The following SNTG2 variants were observed in gnomAD, a reference collection of about 807,000 sequenced individuals.
SNTG2 encodes the protein gamma-2-syntrophin.
Under a neutral mutation model 70.9 loss-of-function variants are expected in SNTG2, and 74 were observed. The ratio of observed to expected loss-of-function variants is 1.04; its 90% CI spans 0.86 to 1.27. SNTG2 has a LOEUF of 1.27. SNTG2 is among the 50% of genes most tolerant of loss of function. SNTG2 has a pLI of 0.00. For missense variants in SNTG2, 717 were observed against 690.7 expected, an observed-to-expected ratio of 1.04 and a Z score of -0.43; for synonymous variants, 278 against 273.8, an observed-to-expected ratio of 1.02 and a Z score of -0.15.
At chr2:1,325,220 C>A (rs2148276893) in intron 16 of SNTG2, among the ~76,000 whole-genome samples, 1 of 152,230 alleles carries the variant, frequency 6.6e-6, no homozygotes, top group Non-Finnish European at 1.5e-5. Context: ...TGAACTTATG[C>A]AAATAACTCT....
chr2:1,185,868 A>G (rs1325860517), intron 8 of SNTG2, among the ~76,000 whole-genome samples: 1 of 152,246 alleles, frequency 6.6e-6, no homozygotes, highest in East Asian at 1.9e-4. Flanking sequence ...TTACTTATGT[A>G]AATTTCTGCA....
At chr2:1,127,877 A>C (rs915007475) in intron 4 of SNTG2, among the ~76,000 whole-genome samples, 1 of 152,164 alleles carries the variant, frequency 6.6e-6, no homozygotes, top group African/African-American at 2.4e-5. Flanking sequence ...AGGTTTTTCT[A>C]TACAAGATCA....
intron 9 of SNTG2, among the ~76,000 whole-genome samples, chr2:1,217,123 T>C (rs1674444953): frequency 6.6e-6 from 1 of 152,136 alleles, no homozygotes. Context: ...CTCAGTTCTT[T>C]TTTTAAAAAA....
At chr2:1,132,207 A>ATG (rs1668063880) in intron 4 of SNTG2, among the ~76,000 whole-genome samples, 2 of 150,322 alleles carry the variant, frequency 1.3e-5, no homozygotes, top group East Asian at 2.0e-4. Flanking sequence ...GTGTATATAT[A>ATG]TGTGTATATA....
intron 6 of SNTG2, among the ~76,000 whole-genome samples, chr2:1,141,608 T>A (rs4471920): frequency 0.99 from 150,412 of 152,312 alleles, 74,295 homozygotes; most frequent in East Asian, 1. Flanking sequence ...TGGAATAAAA[T>A]TTACCTCCTC....
chr2:1,256,091 T>C (rs1185111435), intron 12 of SNTG2, among the ~76,000 whole-genome samples: 1 of 151,404 alleles, frequency 6.6e-6, no homozygotes, highest in East Asian at 1.9e-4. Flanking sequence ...AGATGGGCTG[T>C]ATATTTTTAT....
chr2:1,270,468 C>A (rs1202943726), intron 14 of SNTG2, among the ~76,000 whole-genome samples: 1 of 152,124 alleles, frequency 6.6e-6, no homozygotes, highest in Admixed American at 6.5e-5. Flanking sequence ...TTGTTCTTTT[C>A]TTTTCCCTTT....
In SNTG2 at chr2:1,227,541, C is replaced by T. The variant is rs531946035; in HGVS notation, c.720-10347C>T. 1.6e-4 allele frequency among the ~76,000 whole-genome samples: 24 copies of T among 152,300 alleles called. 1 individual carries two copies. The highest frequency in any genetic ancestry group is 9.1e-4 in the Admixed American group (14 of 15,304). On this transcript the variant is annotated intron_variant, in intron 9 of 16. Transcript: ENST00000308624. ...AGACAGCCTTTGAGCTCGTCCGCTC[C>T]GCCACGAATCCGTTTCCCCACGGTA...
intron 1 of SNTG2, among the ~76,000 whole-genome samples, chr2:1,074,033 T>C (rs962577740): frequency 4.6e-5 from 7 of 152,192 alleles, no homozygotes; most frequent in African/African-American, 1.7e-4. Context: ...ACTCTCAATA[T>C]TGATATGTGG....
At chr2:1,250,686 C>T (rs1400929640) in intron 12 of SNTG2, among the ~76,000 whole-genome samples, 1 of 151,176 alleles carries the variant, frequency 6.6e-6, no homozygotes, top group Non-Finnish European at 1.5e-5. Context: ...TCTCTTTCTC[C>T]ATCTGTCTCT....
intron 1 of SNTG2, among the ~76,000 whole-genome samples, chr2:1,060,762 A>G (rs1662768676): frequency 1.3e-5 from 2 of 152,266 alleles, no homozygotes; most frequent in African/African-American, 4.8e-5. Context: ...CTGTACTTGT[A>G]GTTAGATGCC....
rs550009560 is a variant in SNTG2 at position 1,340,253 on chromosome 2, G to A, written c.1488+23878G>A. Among the ~76,000 whole-genome samples the A allele has an allele frequency of 3.9e-5, 6 of 152,274 alleles. No individual in the cohort carries two copies. In the East Asian group the frequency reaches 5.8e-4, roughly 15 times the overall value. ...AAGTGACTTAAAGAACCGAGATGCC[G>A]GTTGTTATTACCCTGGAAGAAGGGG... On this transcript the variant is annotated intron_variant, in intron 16 of 16. Transcript: ENST00000308624.
intron 12 of SNTG2, among the ~76,000 whole-genome samples, chr2:1,250,000 G>A (rs565639749): frequency 2.0e-5 from 3 of 152,180 alleles, no homozygotes; most frequent in African/African-American, 7.2e-5. Flanking sequence ...CTGGGGTGAG[G>A]ACCAGGAACC....
intron 8 of SNTG2, among the ~76,000 whole-genome samples, chr2:1,187,550 A>G (rs1019662690): frequency 7.9e-5 from 12 of 152,148 alleles, no homozygotes; most frequent in Admixed American, 7.9e-4. Flanking sequence ...AGTCCCTTAA[A>G]ATAAATTTAT....
At chr2:1,256,503 C>A (rs1484505424) in intron 12 of SNTG2, 1 of 152,098 alleles carries the variant, frequency 6.6e-6, no homozygotes, top group East Asian at 1.9e-4. Context: ...CTTAAATAAC[C>A]CCCTTCTGTT....
At chr2:1,244,408 G>A (rs764689810) in intron 11 of SNTG2, among the ~76,000 whole-genome samples, 20 of 151,988 alleles carry the variant, frequency 1.3e-4, no homozygotes, top group Non-Finnish European at 2.6e-4. Context: ...ATTCTTAAAA[G>A]TTTGCAGGCC....
rs140313765 is a variant in SNTG2 at position 1,259,391 on chromosome 2, C to T, written c.1027C>T (p.Arg343Ter). ...TPPVSTFDWV[R>*]AERTYHLCEV... ...GCAGGTGAGCACATTCGATTGGGTG[C>T]GAGCAGAAAGGACCTATCACCTCTG... The change falls in exon 13 of 17, where the codon CGA (arginine) becomes TGA (stop). Residue 343 changes from arginine to a stop codon, truncating the protein, a stop_gained. Coordinates refer to ENST00000308624, the MANE Select transcript of SNTG2 (RefSeq NM_018968.4). LOFTEE classifies it high-confidence loss of function. The T allele has an allele frequency of 1.3e-4, 206 of 1,613,910 alleles. No homozygotes were observed. In the African/African-American group the frequency reaches 2.2e-3, roughly 17 times the overall value.
At chr2:1,104,736 A>C (rs1480306129) in intron 4 of SNTG2, among the ~76,000 whole-genome samples, 3 of 152,168 alleles carry the variant, frequency 2.0e-5, no homozygotes, top group Non-Finnish European at 2.9e-5. Flanking sequence ...CTCTCAGCTT[A>C]CGGTGGTTTG....
intron 6 of SNTG2, among the ~76,000 whole-genome samples, chr2:1,146,351 G>T (rs1041202424): frequency 4.7e-5 from 7 of 150,414 alleles, no homozygotes; most frequent in African/African-American, 1.7e-4. Flanking sequence ...AACAAAATAT[G>T]TATAATGTTT....
Sources: gnomAD v4.1 joint callset for allele counts (sites outside exome capture counted in the v4.1 genomes callset) on GRCh38, gnomAD v4.1.1 for gene constraint, MANE v1.5 for transcripts, NCBI Gene and HGNC (gene_info 2026-07-23, HGNC 2026-07-21) for gene names.